SGCZ: variants seen among roughly 807,000 people sequenced by gnomAD.
SGCZ encodes the protein zeta-sarcoglycan.
A neutral mutation model predicts 41.3 loss-of-function variants in SGCZ; 40 were observed. The observed-to-expected ratio is 0.97, with a 90% confidence interval of 0.75 to 1.26. SGCZ has a LOEUF of 1.26. SGCZ is among the 50% of genes most tolerant of loss of function. The pLI is 0.00. For missense variants in SGCZ, 552 were observed against 369.8 expected, an observed-to-expected ratio of 1.49 and a Z score of -4.04; for synonymous variants, 206 against 137.5, an observed-to-expected ratio of 1.50 and a Z score of -3.49.
At chr8:14,854,055 A>ATATATATATC (rs1252406372) in intron 1 of SGCZ, among the ~76,000 whole-genome samples, 1 of 129,900 alleles carries the variant, frequency 7.7e-6, no homozygotes, top group Non-Finnish European at 1.6e-5. Context: ...ATATATATAT[A>ATATATATATC]TCCTTTTGTA....
intron 1 of SGCZ, among the ~76,000 whole-genome samples, chr8:14,581,530 C>A (rs1352498273): frequency 6.6e-6 from 1 of 151,912 alleles, no homozygotes; most frequent in Non-Finnish European, 1.5e-5. Context: ...ATAACCTTCC[C>A]AAGCCCACAA....
chr8:14,144,704 T>A (rs971024187), intron 5 of SGCZ, among the ~76,000 whole-genome samples: 2 of 152,190 alleles, frequency 1.3e-5, no homozygotes, highest in Admixed American at 6.5e-5. Flanking sequence ...AGGACTTGAC[T>A]CTTGGATGGC....
At chr8:14,762,780 A>G (rs762430904) in intron 1 of SGCZ, among the ~76,000 whole-genome samples, 1 of 152,242 alleles carries the variant, frequency 6.6e-6, no homozygotes, top group African/African-American at 2.4e-5. Flanking sequence ...AATGAAATAC[A>G]TGAAGAAGTA....
chr8:14,115,136 G>C (rs1440174992), intron 5 of SGCZ, among the ~76,000 whole-genome samples: 1 of 151,854 alleles, frequency 6.6e-6, no homozygotes. Flanking sequence ...TCAGGAAATA[G>C]TTAATTCCAA....
chr8:14,515,326 CACA>C (rs1367817083), intron 2 of SGCZ, among the ~76,000 whole-genome samples: 1 of 152,066 alleles, frequency 6.6e-6, no homozygotes, highest in Non-Finnish European at 1.5e-5. Context: ...TCCTGTAAGT[CACA>C]ACATTTATAG....
intron 2 of SGCZ, among the ~76,000 whole-genome samples, chr8:14,520,103 G>A (rs1802745359): frequency 6.6e-6 from 1 of 151,994 alleles, no homozygotes; most frequent in Admixed American, 6.6e-5. Flanking sequence ...GCTATAGTCA[G>A]CTTGATTTAT....
At chr8:14,195,136 C>A (rs916443230) in intron 4 of SGCZ, among the ~76,000 whole-genome samples, 1 of 151,912 alleles carries the variant, frequency 6.6e-6, no homozygotes, top group East Asian at 1.9e-4. Context: ...TAAAAGTGAC[C>A]CAGAATTGAC....
chr8:14,206,361 C>T (rs1805615719), intron 4 of SGCZ, among the ~76,000 whole-genome samples: 2 of 152,048 alleles, frequency 1.3e-5, no homozygotes, highest in Admixed American at 6.6e-5. Flanking sequence ...GTACTTTCAC[C>T]TGTTGCTGAA....
At chr8:14,091,620 C>T (rs987730857) in intron 7 of SGCZ, among the ~76,000 whole-genome samples, 1 of 152,090 alleles carries the variant, frequency 6.6e-6, no homozygotes, top group African/African-American at 2.4e-5. Flanking sequence ...GCATAAATAT[C>T]TTCTTTTGAG....
At chr8:14,103,865 A>G (rs1420412962) in intron 6 of SGCZ, among the ~76,000 whole-genome samples, 4 of 152,194 alleles carry the variant, frequency 2.6e-5, no homozygotes, top group Admixed American at 2.6e-4. Flanking sequence ...AATAAAATTT[A>G]CTATTAGCAT....
chr8:14,751,386 G>C (rs1438856350), intron 1 of SGCZ, among the ~76,000 whole-genome samples: 1 of 152,030 alleles, frequency 6.6e-6, no homozygotes, highest in Non-Finnish European at 1.5e-5. Context: ...GTAGGATCTA[G>C]AGTATTTATA....
chr8:14,260,381 T>C (rs544527842), intron 3 of SGCZ, among the ~76,000 whole-genome samples: 150 of 145,440 alleles, frequency 1.0e-3, no homozygotes, highest in African/African-American at 3.6e-3. Context: ...GAAATACAAA[T>C]CAAAACCACA....
chr8:15,111,536 T>C (rs1807053827), intron 1 of SGCZ, among the ~76,000 whole-genome samples: 1 of 152,060 alleles, frequency 6.6e-6, no homozygotes, highest in Admixed American at 6.6e-5. Flanking sequence ...TCAGAAAACT[T>C]TGTAAATGGG....
intron 1 of SGCZ, among the ~76,000 whole-genome samples, chr8:14,650,434 G>A (rs1043043724): frequency 6.6e-6 from 1 of 151,952 alleles, no homozygotes; most frequent in Non-Finnish European, 1.5e-5. Context: ...TTGTTGTACA[G>A]ATTGTTTCAT....
chr8:14,995,297 G>T (rs1802176484), intron 1 of SGCZ, among the ~76,000 whole-genome samples: 1 of 152,236 alleles, frequency 6.6e-6, no homozygotes, highest in African/African-American at 2.4e-5. Context: ...AATGAATGAA[G>T]AAGTGTGGGG....
Position 15,095,300 on chromosome 8 carries a change from T to C in SGCZ, c.39+142285A>G, listed in dbSNP as rs551730907. On this transcript the variant is annotated intron_variant, in intron 1 of 7. Coordinates refer to ENST00000382080, the MANE Select transcript of SGCZ (RefSeq NM_139167.4). ...TTTTAGTAGAGATGGGGTTTCACCA[T>C]GTTACCCAAGCTGATCTCAAATTCC... 2.2e-4 allele frequency among the ~76,000 whole-genome samples: 34 copies of C among 152,254 alleles called. No homozygotes were observed. The East Asian group carries it at 4.7e-3, about 21-fold the overall frequency.
intron 4 of SGCZ, among the ~76,000 whole-genome samples, chr8:14,193,092 C>A (rs573039842): frequency 1.3e-5 from 2 of 151,816 alleles, no homozygotes; most frequent in East Asian, 3.9e-4. Flanking sequence ...CTGTCAAAAT[C>A]TTTTTTCTAT....
At chr8:14,233,949 C>T (rs1001702505) in intron 4 of SGCZ, among the ~76,000 whole-genome samples, 2 of 151,854 alleles carry the variant, frequency 1.3e-5, no homozygotes, top group African/African-American at 2.4e-5. Flanking sequence ...CAATCTCATT[C>T]CTCTCTTTCA....
chr8:15,202,354 C>T (rs1017201613), intron 1 of SGCZ, among the ~76,000 whole-genome samples: 1 of 152,178 alleles, frequency 6.6e-6, no homozygotes, highest in Non-Finnish European at 1.5e-5. Context: ...TTTCAGCAAT[C>T]TGGACAAATT....
Sources: gnomAD v4.1 joint callset for allele counts (sites outside exome capture counted in the v4.1 genomes callset) on GRCh38, gnomAD v4.1.1 for gene constraint, MANE v1.5 for transcripts, NCBI Gene and HGNC (gene_info 2026-07-23, HGNC 2026-07-21) for gene names.